RPS6KA5: variants seen among roughly 807,000 people sequenced by gnomAD.
RPS6KA5 encodes ribosomal protein S6 kinase A5, also known as ribosomal protein S6 kinase alpha-5.
In RPS6KA5, 27 loss-of-function variants were observed where a neutral mutation model predicts 85.5. The ratio of observed to expected loss-of-function variants is 0.32; its 90% CI spans 0.23 to 0.44. RPS6KA5 has a LOEUF of 0.44. Among genes scored for constraint, RPS6KA5 ranks in the 20% least tolerant of loss-of-function variants. The probability of loss-of-function intolerance (pLI) is 1.00; values close to 1 mark genes in which losing one functional copy is unlikely to be tolerated. For synonymous variants in RPS6KA5, 334 were observed against 348.2 expected, an observed-to-expected ratio of 0.96 and a Z score of 0.46; for missense variants, 811 against 980.9, an observed-to-expected ratio of 0.83 and a Z score of 2.31.
intron 1 of RPS6KA5, among the ~76,000 whole-genome samples, chr14:91,040,178 G>A (rs1028711827): frequency 6.6e-6 from 1 of 152,086 alleles, no homozygotes; most frequent in Non-Finnish European, 1.5e-5. Flanking sequence ...AGGCTGAGGC[G>A]GGCAGATCAC....
intron 3 of RPS6KA5, among the ~76,000 whole-genome samples, chr14:90,949,286 A>G (rs1296898402): frequency 6.6e-6 from 1 of 152,240 alleles, no homozygotes; most frequent in African/African-American, 2.4e-5. Context: ...TGAATGTCCA[A>G]TTCAATCATC....
intron 1 of RPS6KA5, among the ~76,000 whole-genome samples, chr14:91,020,190 GGT>G (rs56899247): frequency 0.53 from 79,120 of 149,664 alleles, 20,661 homozygotes; most frequent in East Asian, 0.55. Context: ...TGTTTATGTG[GGT>G]GTGTGTGTGT....
intron 1 of RPS6KA5, among the ~76,000 whole-genome samples, chr14:91,050,384 TAACAAAAACAAA>T (rs770606699): frequency 6.6e-6 from 1 of 152,014 alleles, no homozygotes; most frequent in Non-Finnish European, 1.5e-5. Flanking sequence ...TCTTCAAAAA[TAACAAAAACAAA>T]AACAAAAACA....
At chr14:90,885,997 A>G (rs1334372937) in intron 14 of RPS6KA5, among the ~76,000 whole-genome samples, 2 of 151,958 alleles carry the variant, frequency 1.3e-5, no homozygotes, top group Non-Finnish European at 1.5e-5. Context: ...TTGATTATCT[A>G]GAAATATCTG....
chr14:90,973,443 C>CTA (rs2039415279), intron 3 of RPS6KA5, among the ~76,000 whole-genome samples: 1 of 148,404 alleles, frequency 6.7e-6, no homozygotes. Context: ...GACTCCATCT[C>CTA]GAAAAAAAAA....
At chr14:90,965,109 G>GT (rs2038993900) in intron 3 of RPS6KA5, among the ~76,000 whole-genome samples, 2 of 152,008 alleles carry the variant, frequency 1.3e-5, no homozygotes. Flanking sequence ...AAAAGTTCTC[G>GT]TATCGGCTGG....
At position 91,029,427 on chromosome 14, in the gene RPS6KA5, TA is replaced by T. The variant is rs375579637; in HGVS notation, c.104-28269del. Among the ~76,000 whole-genome samples, 33 of 152,256 alleles carry T rather than the reference TA, an allele frequency of 2.2e-4. No individual in the cohort carries two copies. The East Asian group carries it at 3.7e-3, about 17-fold the overall frequency. On this transcript the variant is annotated intron_variant, in intron 1 of 16. Transcript: ENST00000614987. ...GACATATCTACAAAGATATCTTAAT[TA>T]AAAAAATAAAACCAAGTATACTTTA...
At chr14:91,044,429 GAAAGAAAGAAAGAAAGAAA>G (rs2042779533) in intron 1 of RPS6KA5, among the ~76,000 whole-genome samples, 1 of 129,966 alleles carries the variant, frequency 7.7e-6, no homozygotes, top group Non-Finnish European at 1.6e-5. Flanking sequence ...AAGAAAGAAA[GAAAGAAAGAAAGAAAGAAA>G]ATTACCCAAG....
rs571445630 is a variant in RPS6KA5 at position 90,874,738 on chromosome 14, G to A, written c.1996+463C>T. ...AAATGGTGATGAGAACAAAGGCAAC[G>A]GCAGGTGAATGGGAAGGAAGGGACC... On this transcript the variant is annotated intron_variant, in intron 15 of 16. Coordinates refer to ENST00000614987, the MANE Select transcript of RPS6KA5 (RefSeq NM_004755.4). Among the ~76,000 whole-genome samples, 8 of 152,310 alleles carry A rather than the reference G, an allele frequency of 5.3e-5. No individual in the cohort carries two copies. In the South Asian group the frequency reaches 1.5e-3, roughly 28 times the overall value.
rs906469975 is a variant in RPS6KA5, at chr14:90,890,479, G to A, written c.1836+8C>T. The A allele has an allele frequency of 1.2e-5, 19 of 1,598,594 alleles. No individual in the cohort carries two copies. Among genetic ancestry groups the A allele is most frequent in the Non-Finnish European group, 1.5e-5 (18 of 1,171,882 alleles). On this transcript the variant is annotated splice_region_variant and intron_variant, in intron 14 of 16. Transcript: ENST00000614987. ...GCAGGTTTAATGACTGTATTGAAAAGAACTCACCAAAATGACGCCCAAGCT... is the reference window on the plus strand; with the variant it reads ...GCAGGTTTAATGACTGTATTGAAAAAAACTCACCAAAATGACGCCCAAGCT...
chr14:91,013,417 C>A (rs938256008), intron 1 of RPS6KA5, among the ~76,000 whole-genome samples: 2 of 151,952 alleles, frequency 1.3e-5, no homozygotes, highest in Non-Finnish European at 2.9e-5. Flanking sequence ...AGCATCTCAG[C>A]CCATCTGAAG....
intron 1 of RPS6KA5, among the ~76,000 whole-genome samples, chr14:91,037,769 T>C (rs1198712211): frequency 6.6e-6 from 1 of 152,232 alleles, no homozygotes; most frequent in Middle Eastern, 3.2e-3. Context: ...TGTCAAATCC[T>C]GAGTTACGAA....
chr14:90,968,679 TG>T (rs1019232440), intron 3 of RPS6KA5, among the ~76,000 whole-genome samples: 2 of 151,950 alleles, frequency 1.3e-5, no homozygotes, highest in Non-Finnish European at 2.9e-5. Context: ...AGGAAAAGAG[TG>T]TTTCAAAGGC....
intron 2 of RPS6KA5, among the ~76,000 whole-genome samples, chr14:90,978,913 C>G (rs1467764914): frequency 1.3e-5 from 2 of 151,994 alleles, no homozygotes; most frequent in African/African-American, 2.4e-5. Flanking sequence ...CTGATGTAGA[C>G]AAATGAAGGC....
At chr14:90,988,543 A>G (rs2040160743) in intron 2 of RPS6KA5, among the ~76,000 whole-genome samples, 1 of 152,214 alleles carries the variant, frequency 6.6e-6, no homozygotes. Flanking sequence ...GAGGCTGGGC[A>G]TGGTGGCTCA....
intron 1 of RPS6KA5, among the ~76,000 whole-genome samples, chr14:91,056,510 T>C (rs1463014501): frequency 2.0e-5 from 3 of 152,180 alleles, no homozygotes; most frequent in African/African-American, 7.2e-5. Flanking sequence ...GTGGGAAAAG[T>C]GGCACAGTAG....
At chr14:90,896,290 G>C (rs2034830937) in intron 12 of RPS6KA5, among the ~76,000 whole-genome samples, 1 of 152,168 alleles carries the variant, frequency 6.6e-6, no homozygotes, top group South Asian at 2.1e-4. Context: ...GTTCAACCTG[G>C]ATTTGAAGGT....
In RPS6KA5 at chr14:91,034,499, C is replaced by T. The variant is rs143253142; in HGVS notation, c.103+25833G>A. Among the ~76,000 whole-genome samples the T allele has an allele frequency of 6.0e-3, 904 of 151,928 alleles. 4 individuals carry two copies. The highest frequency in any genetic ancestry group is 0.014 in the Admixed American group (210 of 15,260). On this transcript the variant is annotated intron_variant, in intron 1 of 16. Transcript: ENST00000614987. Reference sequence around the variant, plus strand: ...TGCACCAATCAACACTCTGTAAAAACGCACCAATCAGCGCTCTGTGTCTAG... The same window carrying T: ...TGCACCAATCAACACTCTGTAAAAATGCACCAATCAGCGCTCTGTGTCTAG...
At chr14:91,052,550 C>A in intron 1 of RPS6KA5, 1 of 186,270 alleles carries the variant, frequency 5.4e-6, no homozygotes, top group Non-Finnish European at 1.1e-5. Context: ...TTTAGGCAAG[C>A]GCGGTGGCTC....
Sources: gnomAD v4.1 joint callset for allele counts (sites outside exome capture counted in the v4.1 genomes callset) on GRCh38, gnomAD v4.1.1 for gene constraint, MANE v1.5 for transcripts, NCBI Gene and HGNC (gene_info 2026-07-23, HGNC 2026-07-21) for gene names.